Variants in PPP2R2B observed in about 807,000 individuals in gnomAD.
PPP2R2B encodes the protein serine/threonine-protein phosphatase 2A 55 kDa regulatory subunit B beta isoform.
Under a neutral mutation model 46.0 loss-of-function variants are expected in PPP2R2B, and 5 were observed. The ratio of observed to expected loss-of-function variants is 0.11; its 90% CI spans 0.06 to 0.23. The LOEUF is 0.23. Ranked by LOEUF, PPP2R2B falls within the 10% of genes least tolerant of loss-of-function variation. The probability of loss-of-function intolerance (pLI) is 1.00; values close to 1 mark genes in which losing one functional copy is unlikely to be tolerated. For synonymous variants in PPP2R2B, 215 were observed against 206.7 expected (o/e 1.04, Z -0.34); for missense variants, 367 against 575.0 (o/e 0.64, Z 3.70).
intron 5 of PPP2R2B, among the ~76,000 whole-genome samples, chr5:146,675,125 C>T (rs1312618534): frequency 6.6e-6 from 1 of 152,058 alleles, no homozygotes; most frequent in African/African-American, 2.4e-5. Flanking sequence ...CCACACCCAG[C>T]TAATTTTTGT....
At chr5:146,642,755 C>T (rs1325852435) in intron 6 of PPP2R2B, among the ~76,000 whole-genome samples, 1 of 152,138 alleles carries the variant, frequency 6.6e-6, no homozygotes, top group East Asian at 1.9e-4. Context: ...AGTTGTATTT[C>T]AGGCTGGAAA....
chr5:146,857,659 ATATCT>A (rs769434216), intron 2 of PPP2R2B, among the ~76,000 whole-genome samples: 3 of 152,080 alleles, frequency 2.0e-5, no homozygotes, highest in Non-Finnish European at 4.4e-5. Flanking sequence ...TCTAACGGTA[ATATCT>A]TAAGACATAT....
chr5:147,022,260 A>G (rs937490395), intron 1 of PPP2R2B, among the ~76,000 whole-genome samples: 2 of 152,076 alleles, frequency 1.3e-5, no homozygotes, highest in Admixed American at 6.6e-5. Context: ...TATAGAAATC[A>G]TAGCTAAAAT....
chr5:146,719,604 C>A (rs1259429495), intron 2 of PPP2R2B, among the ~76,000 whole-genome samples: 1 of 152,066 alleles, frequency 6.6e-6, no homozygotes, highest in Non-Finnish European at 1.5e-5. Context: ...TGTTGTTGTT[C>A]CCAGTGGATC....
At chr5:146,786,199 A>G (rs1420301081) in intron 2 of PPP2R2B, among the ~76,000 whole-genome samples, 1 of 152,186 alleles carries the variant, frequency 6.6e-6, no homozygotes, top group Non-Finnish European at 1.5e-5. Flanking sequence ...ATGGAAGGAA[A>G]AAAAGAATCA....
intron 2 of PPP2R2B, among the ~76,000 whole-genome samples, chr5:146,791,936 T>C (rs1582113414): frequency 6.6e-6 from 1 of 152,202 alleles, no homozygotes; most frequent in East Asian, 1.9e-4. Flanking sequence ...GCCTAATTCA[T>C]CAGGTATTCC....
intron 2 of PPP2R2B, among the ~76,000 whole-genome samples, chr5:146,786,415 G>C (rs1450088201): frequency 6.6e-6 from 1 of 152,062 alleles, no homozygotes; most frequent in Non-Finnish European, 1.5e-5. Flanking sequence ...TTATGAAGTT[G>C]GCACCTTCCT....
At chr5:146,857,121 A>G (rs1319544101) in intron 2 of PPP2R2B, among the ~76,000 whole-genome samples, 2 of 152,076 alleles carry the variant, frequency 1.3e-5, no homozygotes, top group African/African-American at 2.4e-5. Context: ...GTAGGGTTTT[A>G]TGGTGCAGGG....
At chr5:146,919,801 G>A (rs953039174) in intron 1 of PPP2R2B, 2 of 152,184 alleles carry the variant, frequency 1.3e-5, no homozygotes, top group Admixed American at 6.5e-5. Flanking sequence ...TGCCAGAATA[G>A]CAACTTTACA....
intron 2 of PPP2R2B, among the ~76,000 whole-genome samples, chr5:146,826,517 C>G (rs1224273847): frequency 6.6e-6 from 1 of 152,096 alleles, no homozygotes; most frequent in Non-Finnish European, 1.5e-5. Flanking sequence ...ATGTAACAAA[C>G]CAGAGGTTGC....
At chr5:146,824,517 G>C (rs1251668667) in intron 2 of PPP2R2B, among the ~76,000 whole-genome samples, 1 of 152,150 alleles carries the variant, frequency 6.6e-6, no homozygotes, top group African/African-American at 2.4e-5. Flanking sequence ...TCACAGAAGA[G>C]GGTTGGCCAT....
intron 1 of PPP2R2B, among the ~76,000 whole-genome samples, chr5:147,025,764 T>C (rs1755500411): frequency 6.6e-6 from 1 of 151,976 alleles, no homozygotes; most frequent in African/African-American, 2.4e-5. Context: ...GGGCAAAATA[T>C]TTGAACAGAC....
chr5:146,801,854 T>C (rs912705366), intron 2 of PPP2R2B, among the ~76,000 whole-genome samples: 2 of 152,206 alleles, frequency 1.3e-5, no homozygotes, highest in African/African-American at 4.8e-5. Context: ...ATAATTGCAA[T>C]AACAACTTCT....
Position 146,581,463 on chromosome 5 carries a change from C to G in PPP2R2B, c.*8484G>C, listed in dbSNP as rs1163500834. ...CTCCCACCTGGCCCCACCTCAAACA[C>G]TGGGGATTACAATTTGACATGAGAT... On this transcript the variant is annotated 3_prime_UTR_variant, in exon 10 of 10. Coordinates refer to ENST00000394411, the MANE Select transcript of PPP2R2B (RefSeq NM_181675.4). 1 of 152,202 alleles carries G rather than the reference C, an allele frequency of 6.6e-6. No homozygotes were observed. The highest frequency in any genetic ancestry group is 1.9e-4 in the East Asian group (1 of 5,198). 9.4% of individuals were successfully genotyped at this position (152,202 alleles called of 1,614,324 possible).
chr5:147,010,918 C>T (rs1174109292), intron 1 of PPP2R2B, among the ~76,000 whole-genome samples: 1 of 152,146 alleles, frequency 6.6e-6, no homozygotes, highest in Non-Finnish European at 1.5e-5. Context: ...CATCCCTGCT[C>T]AAACATTCTT....
chr5:146,625,579 G>A (rs900627240), intron 7 of PPP2R2B, among the ~76,000 whole-genome samples: 3 of 152,240 alleles, frequency 2.0e-5, no homozygotes, highest in African/African-American at 7.2e-5. Flanking sequence ...GTAATTAAAT[G>A]TATGGTATTA....
At chr5:146,650,069 G>A (rs1411043502) in intron 6 of PPP2R2B, among the ~76,000 whole-genome samples, 1 of 151,976 alleles carries the variant, frequency 6.6e-6, no homozygotes, top group Non-Finnish European at 1.5e-5. Flanking sequence ...ATACTTCAAT[G>A]AGGTAAAAAA....
rs1581768636 is a variant in PPP2R2B at position 146,638,519 on chromosome 5, A to G, written c.626-104T>C. 2.7e-6 allele frequency: 3 copies of G among 1,098,648 alleles called. No individual in the cohort carries two copies. The East Asian group carries it at 7.8e-5, about 28-fold the overall frequency. The allele number at this position is 1,098,648 out of a possible 1,614,324, so 68.1% of individuals were successfully genotyped here. On this transcript the variant is annotated intron_variant, in intron 6 of 9. Transcript: ENST00000394411. ...TCTTATATTAGTAAAATATGTCAAC[A>G]TTTGCTATGCACATGGTAGATCCTC...
At chr5:146,681,844 A>G (rs570982885) in intron 5 of PPP2R2B, among the ~76,000 whole-genome samples, 2 of 152,338 alleles carry the variant, frequency 1.3e-5, no homozygotes, top group East Asian at 1.9e-4. Context: ...CTGTAACACT[A>G]TCAGGCTTTA....
Sources: gnomAD v4.1 joint callset for allele counts (sites outside exome capture counted in the v4.1 genomes callset) on GRCh38, gnomAD v4.1.1 for gene constraint, MANE v1.5 for transcripts, NCBI Gene and HGNC (gene_info 2026-07-23, HGNC 2026-07-21) for gene names.